Variants in SLC37A1 observed in about 807,000 individuals in gnomAD.
The protein encoded by SLC37A1 is glucose-6-phosphate exchanger SLC37A1.
SLC37A1 carries 49 observed loss-of-function variants against 75.3 expected under a neutral mutation model. The observed-to-expected ratio is 0.65, with a 90% CI of 0.52 to 0.83. SLC37A1 has a LOEUF of 0.83. Among genes scored for constraint, SLC37A1 ranks in the 40% least tolerant of loss-of-function variants. The probability of loss-of-function intolerance (pLI) is 0.00; values close to 1 mark genes in which losing one functional copy is unlikely to be tolerated. For synonymous variants in SLC37A1, 268 were observed against 292.1 expected, an observed-to-expected ratio of 0.92 and a Z score of 0.84; for missense variants, 566 against 695.0, an observed-to-expected ratio of 0.81 and a Z score of 2.09.
rs770706009 is a variant in SLC37A1 at position 42,535,547 on chromosome 21, T to C, written c.347T>C (p.Leu116Pro). The change falls in exon 5 of 20, where the codon CTC (leucine) becomes CCC (proline). Residue 116 changes from leucine to proline, a missense_variant. Physicochemically the swap from Leu to Pro is moderately conservative, Grantham distance 98. Coordinates refer to ENST00000352133, the MANE Select transcript of SLC37A1 (RefSeq NM_001320537.2). ...TGCGCCTATGCCGTGGGGATGTACC[T>C]CAGGTAGGTCTCCTTCAGTTTTCCA... ...FLCAYAVGMY[L>P]SGIIGERLPI... is the part of the protein sequence containing the mutation. 18 of 1,613,984 alleles carry C rather than the reference T, an allele frequency of 1.1e-5. No homozygotes were observed. The highest frequency in any genetic ancestry group is 1.4e-5 in the Non-Finnish European group (17 of 1,179,820).
intron 15 of SLC37A1, among the ~76,000 whole-genome samples, chr21:42,566,673 C>T (rs774392356): frequency 5.9e-5 from 9 of 152,118 alleles, no homozygotes; most frequent in Non-Finnish European, 1.2e-4. Context: ...CTGCCCTCAG[C>T]GAGCACCACA....
At chr21:42,570,486 T>C (rs2056130119) in intron 17 of SLC37A1, among the ~76,000 whole-genome samples, 1 of 152,222 alleles carries the variant, frequency 6.6e-6, no homozygotes, top group Non-Finnish European at 1.5e-5. Context: ...TCTGATCTTC[T>C]GTCTTGGGCA....
chr21:42,507,731 AAG>A (rs1268672618), intron 2 of SLC37A1, among the ~76,000 whole-genome samples: 2 of 152,114 alleles, frequency 1.3e-5, no homozygotes, highest in South Asian at 2.1e-4. Flanking sequence ...GAGGGGAAGG[AAG>A]AGAGAGAGCA....
chr21:42,511,063 T>C (rs1447071026), upstream of SLC37A1, among the ~76,000 whole-genome samples: 2 of 152,200 alleles, frequency 1.3e-5, no homozygotes, highest in Non-Finnish European at 2.9e-5. Flanking sequence ...ACACAGAACA[T>C]TCTCTAGGAT....
In SLC37A1 at chr21:42,536,498, G is replaced by A. The variant is rs146091289; in HGVS notation, c.350+948G>A. ...GGTTTTTTTTTAAAGGCAGTATAGG[G>A]ATGTTCTAGCCCATTTTCTGTTGCT... is the stretch of plus-strand genomic sequence containing the variant. On this transcript the variant is annotated intron_variant, in intron 5 of 19. Coordinates refer to ENST00000352133, the MANE Select transcript of SLC37A1 (RefSeq NM_001320537.2). Among the ~76,000 whole-genome samples, 270 of 152,288 alleles carry A rather than the reference G, an allele frequency of 1.8e-3. 1 individual carries two copies. The highest frequency in any genetic ancestry group is 5.9e-3 in the African/African-American group (246 of 41,568).
intron 11 of SLC37A1, among the ~76,000 whole-genome samples, chr21:42,559,801 G>A (rs190861849): frequency 3.3e-5 from 5 of 152,016 alleles, no homozygotes; most frequent in South Asian, 2.1e-4. Context: ...GCTTGAACCC[G>A]GGAGGCAGAA....
At position 42,503,248 on chromosome 21, in the gene SLC37A1, C is replaced by CTTT. The variant is rs11444113; in HGVS notation, c.-179+848_-179+850dup. Among the ~76,000 whole-genome samples the CTTT allele has an allele frequency of 4.7e-3, 596 of 125,708 alleles. 18 individuals carry two copies. Among genetic ancestry groups the CTTT allele is most frequent in the African/African-American group, 0.014 (458 of 33,020 alleles). 82.5% of individuals were successfully genotyped at this position (125,708 alleles called of 152,430 possible). A position where few individuals can be genotyped will look rare whatever the true frequency, so the allele number is the denominator to read the frequency against. Reference sequence around the variant, plus strand: ...GGTATTACTTAAGGAAATTATACTCCTTTTTTTTTTTTTTTTTTTGAGACA... The same window carrying CTTT: ...GGTATTACTTAAGGAAATTATACTCCTTTTTTTTTTTTTTTTTTTTTTGAGACA... On this transcript the variant is annotated intron_variant, in intron 2 of 20. Coordinates refer to the SLC37A1 transcript ENST00000398341.
chr21:42,575,439 T>A, intron 18 of SLC37A1: 1 of 985,470 alleles, frequency 1.0e-6, no homozygotes, highest in South Asian at 4.7e-5. Flanking sequence ...GCAAAGAGGT[T>A]GCCAGTGCAG....
intron 9 of SLC37A1, 60 bp from the exon 10 acceptor site, chr21:42,554,002 C>T: frequency 7.1e-7 from 1 of 1,415,678 alleles, no homozygotes; most frequent in South Asian, 1.3e-5. Context: ...ACAGTAAAGC[C>T]AGGTTTAATT....
chr21:42,512,851 G>A (rs1319973827), upstream of SLC37A1, among the ~76,000 whole-genome samples: 1 of 152,210 alleles, frequency 6.6e-6, no homozygotes, highest in East Asian at 1.9e-4. Context: ...AACAAAGCAG[G>A]GCCCCAGGGG....
chr21:42,535,518 C>T lies in SLC37A1; in HGVS notation c.318C>T (p.Phe106=), dbSNP rs1299685143. Residue 106 remains phenylalanine, a synonymous_variant, in exon 5 of 20, where the codon TTC becomes TTT. Coordinates refer to ENST00000352133, the MANE Select transcript of SLC37A1 (RefSeq NM_001320537.2). ...QQLLGALDYS[F]LCAYAVGMYL... ...TGCTTGGGGCCCTGGACTACTCCTT[C>T]CTGTGCGCCTATGCCGTGGGGATGT... 3.1e-6 allele frequency: 5 copies of T among 1,614,094 alleles called. No individual in the cohort carries two copies. Among genetic ancestry groups the T allele is most frequent in the Non-Finnish European group, 4.2e-6 (5 of 1,180,050 alleles).
intron 5 of SLC37A1, among the ~76,000 whole-genome samples, chr21:42,538,889 T>C (rs181515568): frequency 7.2e-5 from 11 of 152,348 alleles, no homozygotes; most frequent in Non-Finnish European, 4.4e-5. Context: ...TGAATCGCAT[T>C]GCTGTTCAGA....
rs746311756 is a variant in SLC37A1, at chr21:42,525,819, A to G, written c.100A>G (p.Ser34Gly). 9 of 1,613,932 alleles carry G rather than the reference A, an allele frequency of 5.6e-6. No individual in the cohort carries two copies. The highest frequency in any genetic ancestry group is 3.3e-4 in the Middle Eastern group (2 of 6,084). The part of the protein sequence containing the change: ...IFILTFLLYA[S>G]FHLSRKPISI... ...TATTTTGACATTTCTGCTGTATGCA[A>G]GTTTTCACTTATCTCGAAAGCCTAT... Residue 34 changes from serine to glycine, a missense_variant, in exon 3 of 20, where the codon AGT (serine) becomes GGT (glycine). Ser to Gly is a moderately conservative substitution (Grantham distance 56, BLOSUM62 0). Coordinates refer to ENST00000352133, the MANE Select transcript of SLC37A1 (RefSeq NM_001320537.2).
At chr21:42,538,778 C>G (rs113231789) in intron 5 of SLC37A1, among the ~76,000 whole-genome samples, 1 of 152,160 alleles carries the variant, frequency 6.6e-6, no homozygotes, top group Non-Finnish European at 1.5e-5. Context: ...CTTTTTACCA[C>G]CCCCCTCGAG....
At chr21:42,534,441 A>G (rs571023289) in intron 3 of SLC37A1, among the ~76,000 whole-genome samples, 2 of 152,288 alleles carry the variant, frequency 1.3e-5, no homozygotes, top group East Asian at 3.9e-4. Context: ...CTGGTGGCAT[A>G]TGAAGATGGC....
In SLC37A1 at chr21:42,514,132, G is replaced by A. The variant is rs903926854; in HGVS notation, c.-764G>A. 2.0e-5 allele frequency: 3 copies of A among 151,786 alleles called. No individual in the cohort carries two copies. The highest frequency in any genetic ancestry group is 7.3e-5 in the African/African-American group (3 of 41,364). The allele number at this position is 151,786 out of a possible 1,614,324, so 9.4% of individuals were successfully genotyped here. Reference sequence around the variant, plus strand: ...GGGGGAGGTGGGGGCTGGTTTGGATGTTTTCCGAGAGCCGGGGACGGTCTC... The same window carrying A: ...GGGGGAGGTGGGGGCTGGTTTGGATATTTTCCGAGAGCCGGGGACGGTCTC... On this transcript the variant is annotated 5_prime_UTR_variant, in exon 1 of 20. An upstream start codon of the reference 5' UTR is lost. Transcript: ENST00000352133. The surrounding 1 kb of genome is among the most constrained non-coding windows in gnomAD (Gnocchi z 4.8).
chr21:42,536,226 T>C (rs2055134481), intron 5 of SLC37A1, among the ~76,000 whole-genome samples: 1 of 152,226 alleles, frequency 6.6e-6, no homozygotes, highest in Non-Finnish European at 1.5e-5. Context: ...CTTGAGCAAG[T>C]TACTATACCT....
At chr21:42,546,986 A>T in intron 8 of SLC37A1, 117 bp from the exon 9 acceptor site, 1 of 1,201,634 alleles carries the variant, frequency 8.3e-7, no homozygotes, top group Non-Finnish European at 1.2e-6. Flanking sequence ...TGAATCCTGC[A>T]TACAGTCCAG....
At chr21:42,519,988 G>A (rs997724221) in intron 2 of SLC37A1, among the ~76,000 whole-genome samples, 1 of 151,718 alleles carries the variant, frequency 6.6e-6, no homozygotes, top group African/African-American at 2.4e-5. Flanking sequence ...GTGTGTGCAT[G>A]TGTGTAGATG....
Sources: gnomAD v4.1 joint callset for allele counts (sites outside exome capture counted in the v4.1 genomes callset) on GRCh38, gnomAD v4.1.1 for gene constraint, Gnocchi (gnomAD v3.1) non-coding constraint, MANE v1.5 for transcripts, NCBI Gene and HGNC (gene_info 2026-07-23, HGNC 2026-07-21) for gene names.